The following PDGFC variants were observed in gnomAD, a reference collection of about 807,000 sequenced individuals.
PDGFC encodes platelet-derived growth factor C.
In PDGFC, 12 loss-of-function variants were observed where a neutral mutation model predicts 35.5. That is an observed-to-expected ratio of 0.34 (90% CI 0.22 to 0.55). The LOEUF (loss-of-function observed/expected upper bound fraction) is 0.55. Among genes scored for constraint, PDGFC ranks in the 20% least tolerant of loss-of-function variants. The probability of loss-of-function intolerance (pLI) is 0.91; values close to 1 mark genes in which losing one functional copy is unlikely to be tolerated. For missense variants in PDGFC, 322 were observed against 412.4 expected (o/e 0.78, Z 1.90); for synonymous variants, 159 against 148.8 (o/e 1.07, Z -0.50).
At chr4:156,917,912 A>G (rs1239755034) in intron 1 of PDGFC, among the ~76,000 whole-genome samples, 1 of 152,200 alleles carries the variant, frequency 6.6e-6, no homozygotes, top group Non-Finnish European at 1.5e-5. Flanking sequence ...TTCAGGAGAC[A>G]TTTTAATTTT....
chr4:156,786,827 G>T (rs1716180224), intron 3 of PDGFC, among the ~76,000 whole-genome samples: 1 of 152,178 alleles, frequency 6.6e-6, no homozygotes, highest in African/African-American at 2.4e-5. Context: ...GGCAACTGTA[G>T]TTGGGAGCTA....
At chr4:156,920,644 AACACAC>A (rs10611712) in intron 1 of PDGFC, among the ~76,000 whole-genome samples, 4,712 of 131,928 alleles carry the variant, frequency 0.036, 83 homozygotes, top group African/African-American at 0.078. Flanking sequence ...AGGAAAAGAA[AACACAC>A]ACACACACAC....
At chr4:156,831,781 C>T (rs1045182444) in intron 2 of PDGFC, among the ~76,000 whole-genome samples, 1 of 151,980 alleles carries the variant, frequency 6.6e-6, no homozygotes, top group Admixed American at 6.6e-5. Context: ...ATGTAACTGG[C>T]TTTTTAAAAA....
chr4:156,894,631 A>G (rs1449242166), intron 1 of PDGFC, among the ~76,000 whole-genome samples: 1 of 152,242 alleles, frequency 6.6e-6, no homozygotes, highest in Non-Finnish European at 1.5e-5. Context: ...AGAGGCAGAC[A>G]GCACAACAGG....
chr4:156,799,901 T>A (rs1355403442), intron 3 of PDGFC, among the ~76,000 whole-genome samples: 1 of 152,190 alleles, frequency 6.6e-6, no homozygotes, highest in Non-Finnish European at 1.5e-5. Flanking sequence ...TAAAAAAAAT[T>A]GGTAAATTCT....
At chr4:156,921,712 TG>T (rs1190410973) in intron 1 of PDGFC, among the ~76,000 whole-genome samples, 2 of 152,146 alleles carry the variant, frequency 1.3e-5, no homozygotes, top group Non-Finnish European at 2.9e-5. Context: ...AAGAGTCTTT[TG>T]AGTTCATCTA....
intron 1 of PDGFC, among the ~76,000 whole-genome samples, chr4:156,931,559 C>G (rs770015501): frequency 6.6e-6 from 1 of 152,076 alleles, no homozygotes; most frequent in Non-Finnish European, 1.5e-5. Flanking sequence ...GAGCATCACA[C>G]CTTAACTGTT....
At chr4:156,901,947 G>A (rs1208072927) in intron 1 of PDGFC, among the ~76,000 whole-genome samples, 1 of 152,134 alleles carries the variant, frequency 6.6e-6, no homozygotes, top group Non-Finnish European at 1.5e-5. Context: ...GTCTAGCTTT[G>A]AGCATGCTAC....
At chr4:156,968,867 C>T (rs574244121) in intron 1 of PDGFC, among the ~76,000 whole-genome samples, 28 of 152,148 alleles carry the variant, frequency 1.8e-4, no homozygotes, top group Non-Finnish European at 3.7e-4. Flanking sequence ...AATGGCCCAG[C>T]CTCAGATGGC....
At chr4:156,957,564 G>T (rs1223673441) in intron 1 of PDGFC, among the ~76,000 whole-genome samples, 1 of 151,848 alleles carries the variant, frequency 6.6e-6, no homozygotes, top group Non-Finnish European at 1.5e-5. Context: ...CTCTTCAGGG[G>T]ATTTCTTCCT....
intron 2 of PDGFC, among the ~76,000 whole-genome samples, chr4:156,818,543 C>T (rs569815362): frequency 6.1e-5 from 6 of 98,040 alleles, no homozygotes; most frequent in Admixed American, 1.5e-4. Flanking sequence ...TTTTTTGAGA[C>T]GGAGTCTCGC....
At chr4:156,930,834 A>G (rs1731534074) in intron 1 of PDGFC, among the ~76,000 whole-genome samples, 1 of 152,160 alleles carries the variant, frequency 6.6e-6, no homozygotes, top group South Asian at 2.1e-4. Context: ...ATGCCATTGC[A>G]CTCCAGCCTG....
At chr4:156,941,907 G>GA (rs1051819340) in intron 1 of PDGFC, among the ~76,000 whole-genome samples, 1 of 151,848 alleles carries the variant, frequency 6.6e-6, no homozygotes, top group South Asian at 2.1e-4. Context: ...AGGTGGCTTA[G>GA]AAAAAAAATA....
At chr4:156,955,037 T>A (rs1732173774) in intron 1 of PDGFC, among the ~76,000 whole-genome samples, 1 of 152,018 alleles carries the variant, frequency 6.6e-6, no homozygotes, top group African/African-American at 2.4e-5. Flanking sequence ...TAGAAAGTGG[T>A]CAATTCTGCA....
chr4:156,816,240 C>T (rs1732082224), intron 2 of PDGFC, among the ~76,000 whole-genome samples: 1 of 152,112 alleles, frequency 6.6e-6, no homozygotes, highest in Non-Finnish European at 1.5e-5. Context: ...GTGAAAGAAA[C>T]CCTGCCAACA....
chr4:156,875,592 C>A (rs773488843), intron 1 of PDGFC, among the ~76,000 whole-genome samples: 1 of 152,038 alleles, frequency 6.6e-6, no homozygotes, highest in Non-Finnish European at 1.5e-5. Context: ...TAATTTTGTC[C>A]CGACATATCG....
intron 1 of PDGFC, among the ~76,000 whole-genome samples, chr4:156,951,835 A>C (rs975872112): frequency 1.3e-5 from 2 of 151,728 alleles, no homozygotes; most frequent in Non-Finnish European, 2.9e-5. Context: ...TCAGCCTCCA[A>C]TATGCTCCAC....
At chr4:156,937,723 T>G (rs1004996635) in intron 1 of PDGFC, among the ~76,000 whole-genome samples, 1 of 152,140 alleles carries the variant, frequency 6.6e-6, no homozygotes. Context: ...GAAAGGCATA[T>G]TCACCTATCT....
intron 1 of PDGFC, among the ~76,000 whole-genome samples, chr4:156,857,200 T>C (rs1729603660): frequency 6.6e-6 from 1 of 151,986 alleles, no homozygotes; most frequent in Non-Finnish European, 1.5e-5. Flanking sequence ...GGCCATCATA[T>C]TCTGTTTAAC....
Sources: gnomAD v4.1 joint callset for allele counts (sites outside exome capture counted in the v4.1 genomes callset) on GRCh38, gnomAD v4.1.1 for gene constraint, MANE v1.5 for transcripts, NCBI Gene and HGNC (gene_info 2026-07-23, HGNC 2026-07-21) for gene names.